Variants in GPM6A observed in about 807,000 individuals in gnomAD.
GPM6A encodes neuronal membrane glycoprotein M6-a.
A neutral mutation model predicts 32.1 loss-of-function variants in GPM6A; 7 were observed. The observed-to-expected ratio is 0.22, with a 90% confidence interval of 0.12 to 0.41. GPM6A has a LOEUF of 0.41. Among genes scored for constraint, GPM6A ranks in the 10% least tolerant of loss-of-function variants. The pLI is 1.00. For synonymous variants in GPM6A, 130 were observed against 123.4 expected (o/e 1.05, Z -0.35); for missense variants, 235 against 347.2 (o/e 0.68, Z 2.57).
upstream of GPM6A, among the ~76,000 whole-genome samples, chr4:175,813,603 C>T (rs536809743): frequency 1.4e-4 from 22 of 152,172 alleles, no homozygotes; most frequent in African/African-American, 4.8e-4. Flanking sequence ...AGGACACACA[C>T]ACAGACATAA....
Position 175,918,398 on chromosome 4 carries a change from A to T in GPM6A, c.-23+83911T>A, listed in dbSNP as rs543184702. Among the ~76,000 whole-genome samples the T allele has an allele frequency of 9.7e-4, 148 of 152,260 alleles. 2 individuals carry two copies. The highest frequency in any genetic ancestry group is 1.8e-4 in the Non-Finnish European group (12 of 68,006). ...AGAAAAAATAGAATTGGAAAAGAAA[A>T]ATCTTTAAGTAGGGAAAAGAAATGA... On this transcript the variant is annotated intron_variant, in intron 1 of 7. Coordinates refer to the GPM6A transcript ENST00000280187.
chr4:175,749,908 G>A (rs1472325), intron 1 of GPM6A, among the ~76,000 whole-genome samples: 7,914 of 152,180 alleles, frequency 0.052, 516 homozygotes, highest in African/African-American at 0.15. Flanking sequence ...TGTGTCCTTT[G>A]TGGTCTAACT....
intron 1 of GPM6A, among the ~76,000 whole-genome samples, chr4:175,759,284 G>T (rs1030959737): frequency 6.6e-6 from 1 of 151,414 alleles, no homozygotes; most frequent in Non-Finnish European, 1.5e-5. Context: ...ACTAAACAGG[G>T]GTTTGAGGAA....
chr4:175,998,222 C>T (rs940706947), intron 1 of GPM6A, among the ~76,000 whole-genome samples: 3 of 151,794 alleles, frequency 2.0e-5, no homozygotes, highest in Non-Finnish European at 2.9e-5. Flanking sequence ...GGCATGATCT[C>T]GGCTCACTGC....
chr4:175,943,853 T>C (rs1739501284), intron 1 of GPM6A, among the ~76,000 whole-genome samples: 1 of 152,168 alleles, frequency 6.6e-6, no homozygotes, highest in Non-Finnish European at 1.5e-5. Context: ...TTGTTTGTTG[T>C]GTCTCTGCCA....
chr4:175,744,567 T>C lies in GPM6A; in HGVS notation c.38-42800A>G, dbSNP rs568426519. Among the ~76,000 whole-genome samples, 3 of 152,290 alleles carry C rather than the reference T, an allele frequency of 2.0e-5. No individual in the cohort carries two copies. The South Asian group carries it at 6.2e-4, about 32-fold the overall frequency. ...AAACAATTAATATTGGATTAGCTCCTTTAGATTTTTCTTTTTTAAAAAATA... is the reference window on the plus strand; with the variant it reads ...AAACAATTAATATTGGATTAGCTCCCTTAGATTTTTCTTTTTTAAAAAATA... On this transcript the variant is annotated intron_variant, in intron 1 of 6. Coordinates refer to ENST00000393658, the MANE Select transcript of GPM6A (RefSeq NM_201591.3).
chr4:175,636,765 T>C (rs573269510), intron 6 of GPM6A, among the ~76,000 whole-genome samples: 2 of 149,560 alleles, frequency 1.3e-5, no homozygotes, highest in South Asian at 2.1e-4. Flanking sequence ...TACTCTCCTC[T>C]AGCCTGGGCA....
intron 1 of GPM6A, among the ~76,000 whole-genome samples, chr4:175,786,284 G>T (rs1370942187): frequency 1.4e-5 from 2 of 145,308 alleles, no homozygotes; most frequent in Non-Finnish European, 1.5e-5. Context: ...GTCAGGAAAG[G>T]TTTTTTGTTT....
chr4:175,803,693 A>G (rs1454812147), intron 1 of GPM6A, among the ~76,000 whole-genome samples: 1 of 152,174 alleles, frequency 6.6e-6, no homozygotes, highest in African/African-American at 2.4e-5. Context: ...TACAGAGAAA[A>G]TGAAGGTGGA....
chr4:175,932,745 A>T (rs1279333521), intron 1 of GPM6A, among the ~76,000 whole-genome samples: 1 of 152,178 alleles, frequency 6.6e-6, no homozygotes, highest in Admixed American at 6.5e-5. Context: ...ATACATGAAG[A>T]TATATATTAA....
chr4:175,992,005 G>A (rs1196069121), intron 1 of GPM6A, among the ~76,000 whole-genome samples: 3 of 146,688 alleles, frequency 2.0e-5, no homozygotes, highest in Non-Finnish European at 3.0e-5. Flanking sequence ...ATATAAAAAC[G>A]AAACAAATCA....
intron 1 of GPM6A, among the ~76,000 whole-genome samples, chr4:175,948,449 C>T (rs1432656328): frequency 6.6e-6 from 1 of 152,162 alleles, no homozygotes; most frequent in African/African-American, 2.4e-5. Flanking sequence ...TTTTGGACCC[C>T]CAGCATCCAG....
At chr4:175,655,310 G>A (rs772975376) in intron 3 of GPM6A, among the ~76,000 whole-genome samples, 5 of 151,956 alleles carry the variant, frequency 3.3e-5, no homozygotes, top group Admixed American at 6.6e-5. Flanking sequence ...ATTCACTAAA[G>A]TATTTAAGGA....
intron 1 of GPM6A, among the ~76,000 whole-genome samples, chr4:175,945,013 G>C (rs573224248): frequency 6.6e-6 from 1 of 152,060 alleles, no homozygotes; most frequent in African/African-American, 2.4e-5. Context: ...AGTTTCAAAG[G>C]AGAAGATCAG....
chr4:175,868,486 C>T (rs1736807647), intron 1 of GPM6A, among the ~76,000 whole-genome samples: 1 of 152,182 alleles, frequency 6.6e-6, no homozygotes, highest in Admixed American at 6.6e-5. Flanking sequence ...CTAAGTAGAG[C>T]TTTACCTGCA....
chr4:175,993,826 CCAGA>C (rs1741223282), intron 1 of GPM6A, among the ~76,000 whole-genome samples: 1 of 152,044 alleles, frequency 6.6e-6, no homozygotes, highest in African/African-American at 2.4e-5. Flanking sequence ...AGCTGACATA[CCAGA>C]CACAGAGAGA....
At chr4:175,819,445 C>T (rs911146368) in intron 1 of GPM6A, among the ~76,000 whole-genome samples, 1 of 152,080 alleles carries the variant, frequency 6.6e-6, no homozygotes, top group East Asian at 1.9e-4. Flanking sequence ...ACAATTGGAA[C>T]AAAGTATGAT....
chr4:175,721,435 C>T (rs950399936), intron 1 of GPM6A, among the ~76,000 whole-genome samples: 4 of 151,416 alleles, frequency 2.6e-5, no homozygotes, highest in African/African-American at 9.7e-5. Context: ...GAGATCACAC[C>T]ACTGCACTCC....
intron 1 of GPM6A, among the ~76,000 whole-genome samples, chr4:175,715,575 A>C (rs1030645971): frequency 1.4e-4 from 22 of 152,146 alleles, no homozygotes; most frequent in Non-Finnish European, 2.4e-4. Flanking sequence ...TTGAAGACTA[A>C]ATGGGAGTGG....
Sources: gnomAD v4.1 joint callset for allele counts (sites outside exome capture counted in the v4.1 genomes callset) on GRCh38, gnomAD v4.1.1 for gene constraint, MANE v1.5 for transcripts, NCBI Gene and HGNC (gene_info 2026-07-23, HGNC 2026-07-21) for gene names.